SPRED1: variants seen among roughly 807,000 people sequenced by gnomAD.
SPRED1 encodes the protein sprouty related EVH1 domain containing 1, also known as sprouty-related, EVH1 domain-containing protein 1.
SPRED1 carries 18 observed loss-of-function variants against 52.3 expected under a neutral mutation model. That is an observed-to-expected ratio of 0.34 (90% CI 0.24 to 0.51). The LOEUF is 0.51. Ranked by LOEUF, SPRED1 falls within the 20% of genes least tolerant of loss-of-function variation. The probability of loss-of-function intolerance (pLI) is 0.97; values close to 1 mark genes in which losing one functional copy is unlikely to be tolerated. For synonymous variants in SPRED1, 155 were observed against 179.7 expected (o/e 0.86, Z 1.10); for missense variants, 485 against 551.0 (o/e 0.88, Z 1.20).
chr15:38,275,682 G>C (rs780135826), intron 1 of SPRED1, among the ~76,000 whole-genome samples: 10 of 152,120 alleles, frequency 6.6e-5, no homozygotes, highest in Non-Finnish European at 1.5e-4. Context: ...ATTTTCAGTA[G>C]CGACGGGGTT....
rs1888579428 is a variant in SPRED1, at chr15:38,354,936, CAG to C, written c.*3277_*3278del. The C allele has an allele frequency of 6.6e-6, 1 of 152,180 alleles. No homozygotes were observed. Among genetic ancestry groups the C allele is most frequent in the South Asian group, 2.1e-4 (1 of 4,830 alleles). The allele number at this position is 152,180 out of a possible 1,614,324, so 9.4% of individuals were successfully genotyped here. On this transcript the variant is annotated 3_prime_UTR_variant, in exon 7 of 7. Coordinates refer to ENST00000299084, the MANE Select transcript of SPRED1 (RefSeq NM_152594.3). ...CACCTGTATTTTATCATGACAGCTT[CAG>C]AGAGTGTGTGTGTACGTTTTTCTCT...
intron 2 of SPRED1, among the ~76,000 whole-genome samples, chr15:38,306,789 C>T (rs1178975748): frequency 6.6e-6 from 1 of 152,170 alleles, no homozygotes; most frequent in Non-Finnish European, 1.5e-5. Flanking sequence ...TTTAGCTTAA[C>T]ACTTTCACCT....
chr15:38,312,773 G>A (rs1895394625), intron 2 of SPRED1, among the ~76,000 whole-genome samples: 1 of 151,724 alleles, frequency 6.6e-6, no homozygotes, highest in South Asian at 2.1e-4. Flanking sequence ...TTCATATTCA[G>A]GGTCATAAAC....
At chr15:38,258,315 G>A (rs1021236849) in intron 1 of SPRED1, among the ~76,000 whole-genome samples, 1 of 151,864 alleles carries the variant, frequency 6.6e-6, no homozygotes, top group Non-Finnish European at 1.5e-5. Flanking sequence ...TTGCACAGTG[G>A]GTACAATTGT....
chr15:38,288,973 C>G (rs905631208), intron 1 of SPRED1, among the ~76,000 whole-genome samples: 1 of 152,032 alleles, frequency 6.6e-6, no homozygotes, highest in Non-Finnish European at 1.5e-5. Flanking sequence ...TCTAGTTTAC[C>G]AATATTCCAA....
At chr15:38,291,925 T>A (rs1339226199) in intron 1 of SPRED1, among the ~76,000 whole-genome samples, 1 of 152,240 alleles carries the variant, frequency 6.6e-6, no homozygotes, top group Non-Finnish European at 1.5e-5. Flanking sequence ...CTTAAGCAAA[T>A]TTCTGCAGCT....
intron 2 of SPRED1, 151 bp downstream of exon 2, chr15:38,299,698 A>T: frequency 1.1e-5 from 9 of 800,080 alleles, no homozygotes; most frequent in Admixed American, 2.3e-5. Context: ...GAAATACAAC[A>T]TTTTTTTTTC....
At chr15:38,346,509 G>A (rs1896139919) in intron 5 of SPRED1, among the ~76,000 whole-genome samples, 1 of 152,092 alleles carries the variant, frequency 6.6e-6, no homozygotes, top group Non-Finnish European at 1.5e-5. Flanking sequence ...GAATACTTGA[G>A]AAACCACGAA....
At chr15:38,291,317 G>A (rs1894918460) in intron 1 of SPRED1, among the ~76,000 whole-genome samples, 1 of 152,182 alleles carries the variant, frequency 6.6e-6, no homozygotes, top group South Asian at 2.1e-4. Flanking sequence ...CCTCCTCCTG[G>A]CTGCTTTCAC....
intron 1 of SPRED1, among the ~76,000 whole-genome samples, chr15:38,293,710 T>A (rs1451076906): frequency 6.6e-6 from 1 of 152,194 alleles, no homozygotes; most frequent in Non-Finnish European, 1.5e-5. Flanking sequence ...GTACTAACCT[T>A]GAGCATAGTA....
chr15:38,347,284 G>A (rs1437301071), intron 5 of SPRED1, among the ~76,000 whole-genome samples: 1 of 151,840 alleles, frequency 6.6e-6, no homozygotes, highest in East Asian at 1.9e-4. Context: ...GCCTTTCCCC[G>A]CACTGATATG....
intron 1 of SPRED1, among the ~76,000 whole-genome samples, chr15:38,269,231 C>T (rs1263281379): frequency 3.9e-5 from 6 of 152,036 alleles, no homozygotes; most frequent in East Asian, 1.9e-4. Flanking sequence ...CGTGAGCCAC[C>T]GCACCCAGCC....
chr15:38,356,402 T>C lies in SPRED1; in HGVS notation c.*4738T>C, dbSNP rs1192650565. ...CAGATGATTATCATAAGAATTTGTTTTAATGGTTTTTTTCCCTCCTGGAAT... is the reference window on the plus strand; with the variant it reads ...CAGATGATTATCATAAGAATTTGTTCTAATGGTTTTTTTCCCTCCTGGAAT... On this transcript the variant is annotated 3_prime_UTR_variant, in exon 7 of 7. Coordinates refer to ENST00000299084, the MANE Select transcript of SPRED1 (RefSeq NM_152594.3). 1.3e-5 allele frequency: 2 copies of C among 152,122 alleles called. No individual in the cohort carries two copies. The highest frequency in any genetic ancestry group is 2.9e-5 in the Non-Finnish European group (2 of 67,946). 9.4% of individuals were successfully genotyped at this position (152,122 alleles called of 1,614,324 possible). A position where few individuals can be genotyped will look rare whatever the true frequency, so the allele number is the denominator to read the frequency against.
rs372231195 is a variant in SPRED1 at position 38,291,467 on chromosome 15, G to T, written c.33-7906G>T. ...TGCCCCAGTAGGGACTCTGTGTCGG[G>T]GCTCTGACCCCACATTTCCCTTCCA... On this transcript the variant is annotated intron_variant, in intron 1 of 6. Coordinates refer to ENST00000299084, the MANE Select transcript of SPRED1 (RefSeq NM_152594.3). 1.9e-4 allele frequency among the ~76,000 whole-genome samples: 29 copies of T among 152,216 alleles called. 2 individuals carry two copies. Among genetic ancestry groups the T allele is most frequent in the Admixed American group, 1.7e-3 (26 of 15,284 alleles).
chr15:38,342,130 AT>A (rs893506950), intron 5 of SPRED1, among the ~76,000 whole-genome samples: 106 of 143,300 alleles, frequency 7.4e-4, no homozygotes, highest in African/African-American at 2.6e-3. Context: ...CATTTTATTC[AT>A]TTTTTATTTG....
intron 1 of SPRED1, among the ~76,000 whole-genome samples, chr15:38,279,375 C>T (rs1333270656): frequency 1.3e-5 from 2 of 152,204 alleles, no homozygotes; most frequent in African/African-American, 2.4e-5. Flanking sequence ...TATAGCTCTG[C>T]AATTTAGATT....
chr15:38,330,953 A>G (rs1163609016), intron 4 of SPRED1, among the ~76,000 whole-genome samples: 1 of 152,212 alleles, frequency 6.6e-6, no homozygotes, highest in East Asian at 1.9e-4. Context: ...GGAGGAGAGA[A>G]GCAAAATCTT....
At chr15:38,306,517 A>C (rs1895252418) in intron 2 of SPRED1, among the ~76,000 whole-genome samples, 1 of 152,218 alleles carries the variant, frequency 6.6e-6, no homozygotes, top group South Asian at 2.1e-4. Context: ...CATTCTTTTC[A>C]TTATTAACCC....
At chr15:38,335,562 C>CTT (rs397697311) in intron 4 of SPRED1, among the ~76,000 whole-genome samples, 4 of 151,468 alleles carry the variant, frequency 2.6e-5, no homozygotes, top group Non-Finnish European at 4.4e-5. Flanking sequence ...TAGTATGTCT[C>CTT]AGTTAATTAT....
Sources: gnomAD v4.1 joint callset for allele counts (sites outside exome capture counted in the v4.1 genomes callset) on GRCh38, gnomAD v4.1.1 for gene constraint, MANE v1.5 for transcripts, NCBI Gene and HGNC (gene_info 2026-07-23, HGNC 2026-07-21) for gene names.